DLG2: variants seen among roughly 807,000 people sequenced by gnomAD.
DLG2 encodes the protein discs large MAGUK scaffold protein 2.
Under a neutral mutation model 132.5 loss-of-function variants are expected in DLG2, and 45 were observed. The observed-to-expected ratio is 0.34, with a 90% confidence interval of 0.27 to 0.44. The LOEUF is 0.44. Ranked by LOEUF, DLG2 falls within the 20% of genes least tolerant of loss-of-function variation. The pLI, the probability that DLG2 is intolerant of heterozygous loss-of-function variation, is 1.00. For synonymous variants in DLG2, 424 were observed against 419.6 expected (o/e 1.01, Z -0.13); for missense variants, 1,045 against 1,196.9 (o/e 0.87, Z 1.87).
At chr11:85,017,523 G>T (rs1386260137) in intron 6 of DLG2, among the ~76,000 whole-genome samples, 1 of 152,092 alleles carries the variant, frequency 6.6e-6, no homozygotes, top group Non-Finnish European at 1.5e-5. Context: ...CCTTAAAACT[G>T]TAATCCAATA....
rs182562020 is a variant in DLG2, at chr11:85,599,786, G to A, written c.-92-998C>T. 1.8e-4 allele frequency among the ~76,000 whole-genome samples: 28 copies of A among 152,088 alleles called. 1 individual carries two copies. The highest frequency in any genetic ancestry group is 4.6e-4 in the African/African-American group (19 of 41,490). ...ACCACTTTGCCTATACGAATTTGTC[G>A]GCAGTCTTAAACCCATATCTTATTA... On this transcript the variant is annotated intron_variant, in intron 2 of 27. Coordinates refer to ENST00000376104, the MANE Select transcript of DLG2 (RefSeq NM_001142699.3).
In DLG2 at chr11:85,416,084, G is replaced by A. The variant is rs142512120; in HGVS notation, c.41-130719C>T. Among the ~76,000 whole-genome samples the A allele has an allele frequency of 2.1e-3, 321 of 152,182 alleles. 3 individuals are homozygous for A. Among genetic ancestry groups the A allele is most frequent in the Non-Finnish European group, 3.4e-3 (228 of 67,986 alleles). ...GGACGGGGTCCAGTTTCAGTTTTCC[G>A]CATATGGCTAGCCAGTTTTCCCAAC... On this transcript the variant is annotated intron_variant, in intron 3 of 27. Coordinates refer to ENST00000376104, the MANE Select transcript of DLG2 (RefSeq NM_001142699.3).
chr11:84,394,163 C>T (rs1357019144), intron 7 of DLG2, among the ~76,000 whole-genome samples: 1 of 152,164 alleles, frequency 6.6e-6, no homozygotes, highest in African/African-American at 2.4e-5. Flanking sequence ...AGGCATGAGC[C>T]ACTGCACCTG....
intron 17 of DLG2, chr11:83,815,026 T>C (rs139899131): frequency 3.2e-4 from 50 of 155,408 alleles, no homozygotes; most frequent in East Asian, 3.2e-3. Context: ...TAAATTAAGA[T>C]ATCCACTGGA....
At chr11:83,757,733 A>T (rs1305484927) in intron 18 of DLG2, among the ~76,000 whole-genome samples, 1 of 152,152 alleles carries the variant, frequency 6.6e-6, no homozygotes, top group Non-Finnish European at 1.5e-5. Flanking sequence ...CTGACTTCAC[A>T]CACACATATA....
intron 19 of DLG2, among the ~76,000 whole-genome samples, chr11:83,547,764 T>C (rs1377552064): frequency 2.0e-5 from 3 of 152,152 alleles, no homozygotes; most frequent in Non-Finnish European, 4.4e-5. Flanking sequence ...TTGTGTTGTT[T>C]TAAGTCATTA....
intron 4 of DLG2, among the ~76,000 whole-genome samples, chr11:85,158,515 T>C (rs1339415718): frequency 6.6e-6 from 1 of 152,154 alleles, no homozygotes; most frequent in Non-Finnish European, 1.5e-5. Flanking sequence ...GATACATTCT[T>C]GACCAATGCC....
At chr11:84,836,806 G>A (rs1329751290) in intron 6 of DLG2, among the ~76,000 whole-genome samples, 1 of 151,732 alleles carries the variant, frequency 6.6e-6, no homozygotes, top group South Asian at 2.1e-4. Flanking sequence ...TATTTACAGT[G>A]TACCATAAAC....
chr11:85,548,757 A>C (rs1202643888), intron 3 of DLG2, among the ~76,000 whole-genome samples: 1 of 152,076 alleles, frequency 6.6e-6, no homozygotes, highest in Non-Finnish European at 1.5e-5. Flanking sequence ...GCTCCCCACA[A>C]TTTGAACTTC....
intron 15 of DLG2, among the ~76,000 whole-genome samples, chr11:83,912,262 G>C (rs1455467715): frequency 6.6e-6 from 1 of 152,070 alleles, no homozygotes; most frequent in Non-Finnish European, 1.5e-5. Context: ...ATGACGACTT[G>C]TATATATAGT....
chr11:84,675,128 C>T (rs1319023438), intron 6 of DLG2, among the ~76,000 whole-genome samples: 1 of 152,122 alleles, frequency 6.6e-6, no homozygotes, highest in African/African-American at 2.4e-5. Flanking sequence ...AATCTGCCAT[C>T]CAGTCCAACC....
chr11:84,567,093 C>T lies in DLG2; in HGVS notation c.358-32362G>A, dbSNP rs561305760. Reference sequence around the variant, plus strand: ...TACTACAGCTGAAAAACCAACTTCACCTCGAAAAATAAACAGGGTGAAAGT... The same window carrying T: ...TACTACAGCTGAAAAACCAACTTCATCTCGAAAAATAAACAGGGTGAAAGT... On this transcript the variant is annotated intron_variant, in intron 6 of 27. Coordinates refer to ENST00000376104, the MANE Select transcript of DLG2 (RefSeq NM_001142699.3). 5.9e-5 allele frequency among the ~76,000 whole-genome samples: 9 copies of T among 152,158 alleles called. No homozygotes were observed. The South Asian group carries it at 1.9e-3, about 32-fold the overall frequency.
At chr11:84,117,812 T>G (rs550821612) in intron 9 of DLG2, among the ~76,000 whole-genome samples, 1 of 152,312 alleles carries the variant, frequency 6.6e-6, no homozygotes. Context: ...CAAACTTTAT[T>G]TTTATTGATA....
chr11:84,295,326 G>A (rs118087747), intron 7 of DLG2, among the ~76,000 whole-genome samples: 6 of 152,166 alleles, frequency 3.9e-5, no homozygotes, highest in Non-Finnish European at 8.8e-5. Context: ...TTAATAGTTG[G>A]TAGTTGTTAG....
At chr11:85,524,155 C>T (rs1393819967) in intron 3 of DLG2, among the ~76,000 whole-genome samples, 2 of 151,388 alleles carry the variant, frequency 1.3e-5, no homozygotes, top group African/African-American at 2.4e-5. Context: ...AGTTAGAAAG[C>T]GTGAATAAGA....
intron 6 of DLG2, among the ~76,000 whole-genome samples, chr11:84,771,661 AG>A (rs1307028208): frequency 6.6e-6 from 1 of 152,242 alleles, no homozygotes; most frequent in Non-Finnish European, 1.5e-5. Context: ...AACAGAAATG[AG>A]AGAACTATAC....
At chr11:84,020,294 A>G (rs903418372) in intron 11 of DLG2, among the ~76,000 whole-genome samples, 6 of 152,180 alleles carry the variant, frequency 3.9e-5, no homozygotes, top group African/African-American at 1.4e-4. Context: ...TGAAACAGAA[A>G]AGGAATATGT....
intron 19 of DLG2, chr11:83,632,909 T>G (rs1419826497): frequency 3.1e-6 from 1 of 326,578 alleles, no homozygotes; most frequent in Admixed American, 4.3e-5. Flanking sequence ...ATATGCCATT[T>G]AAGATTTATT....
chr11:83,546,303 G>A (rs189316923), intron 19 of DLG2, among the ~76,000 whole-genome samples: 1 of 152,244 alleles, frequency 6.6e-6, no homozygotes, highest in East Asian at 1.9e-4. Context: ...TAGCATATGG[G>A]TTATATGCCA....
Sources: gnomAD v4.1 joint callset for allele counts (sites outside exome capture counted in the v4.1 genomes callset) on GRCh38, gnomAD v4.1.1 for gene constraint, MANE v1.5 for transcripts, NCBI Gene and HGNC (gene_info 2026-07-23, HGNC 2026-07-21) for gene names.